FAM193A: variants seen among roughly 807,000 people sequenced by gnomAD.
The protein encoded by FAM193A is protein FAM193A.
A neutral mutation model predicts 126.5 loss-of-function variants in FAM193A; 22 were observed. That is an observed-to-expected ratio of 0.17 (90% CI 0.12 to 0.25). The LOEUF (loss-of-function observed/expected upper bound fraction) is 0.25, where lower values mean the gene tolerates loss of function less well. FAM193A is among the 10% of genes least tolerant of loss of function. The pLI is 1.00. For synonymous variants in FAM193A, 761 were observed against 646.8 expected, an observed-to-expected ratio of 1.18 and a Z score of -2.68; for missense variants, 1,675 against 1,672.8, an observed-to-expected ratio of 1.00 and a Z score of -0.02.
At chr4:2,569,125 G>A (rs557638100) in intron 1 of FAM193A, among the ~76,000 whole-genome samples, 3 of 151,740 alleles carry the variant, frequency 2.0e-5, no homozygotes, top group African/African-American at 7.2e-5. Flanking sequence ...GTGCATCACC[G>A]CACCTGGGTA....
intron 10 of FAM193A, 54 bp downstream of exon 10, chr4:2,660,108 A>G (rs1712240542): frequency 2.6e-6 from 4 of 1,566,230 alleles, no homozygotes; most frequent in Non-Finnish European, 3.5e-6. Flanking sequence ...CCCAGTAATG[A>G]GAAATACATA....
chr4:2,729,299 C>G (rs1721114739), intron 20 of FAM193A, among the ~76,000 whole-genome samples: 1 of 152,040 alleles, frequency 6.6e-6, no homozygotes. Flanking sequence ...TGCGCATGCT[C>G]CAGTAAACAC....
At chr4:2,691,792 T>TA (rs984111699) in intron 15 of FAM193A, among the ~76,000 whole-genome samples, 4 of 149,516 alleles carry the variant, frequency 2.7e-5, no homozygotes, top group African/African-American at 7.4e-5. Context: ...AAAAAAAAGT[T>TA]AAAAAAACAG....
chr4:2,564,687 A>C (rs1401826631), intron 1 of FAM193A, among the ~76,000 whole-genome samples: 1 of 152,176 alleles, frequency 6.6e-6, no homozygotes, highest in African/African-American at 2.4e-5. Flanking sequence ...TTTGTCAGCA[A>C]ATATTTTTGG....
At chr4:2,728,701 C>T (rs1472817346) in intron 20 of FAM193A, among the ~76,000 whole-genome samples, 3 of 151,912 alleles carry the variant, frequency 2.0e-5, no homozygotes, top group African/African-American at 4.8e-5. Flanking sequence ...CAGGTATGCC[C>T]TTGAATGATT....
At chr4:2,694,296 G>T (rs1716781293) in intron 16 of FAM193A, among the ~76,000 whole-genome samples, 1 of 151,948 alleles carries the variant, frequency 6.6e-6, no homozygotes, top group Admixed American at 6.6e-5. Flanking sequence ...CTGAGACAGA[G>T]TCTCACTCTG....
chr4:2,688,601 G>C (rs1577208295), intron 13 of FAM193A, among the ~76,000 whole-genome samples: 1 of 152,186 alleles, frequency 6.6e-6, no homozygotes, highest in South Asian at 2.1e-4. Context: ...AACTTTGCAG[G>C]CCAGAGCCTT....
chr4:2,674,691 A>G (rs541179886), intron 13 of FAM193A, among the ~76,000 whole-genome samples: 1 of 152,252 alleles, frequency 6.6e-6, no homozygotes, highest in South Asian at 2.1e-4. Flanking sequence ...AAAGTTTAGC[A>G]TGGGTACTAT....
chr4:2,634,079 G>A (rs1423083024), intron 5 of FAM193A, among the ~76,000 whole-genome samples: 11 of 152,288 alleles, frequency 7.2e-5, no homozygotes, highest in Non-Finnish European at 4.4e-5. Context: ...GATGGGGTCT[G>A]CACATAATGC....
At position 2,732,007 on chromosome 4, in the gene FAM193A, C is replaced by G; in HGVS notation, c.*139C>G. 1.4e-6 allele frequency: 1 copy of G among 718,264 alleles called. No individual in the cohort carries two copies. Among genetic ancestry groups the G allele is most frequent in the Non-Finnish European group, 2.5e-6 (1 of 403,586 alleles). 44.5% of individuals were successfully genotyped at this position (718,264 alleles called of 1,614,324 possible). On this transcript the variant is annotated 3_prime_UTR_variant, in exon 21 of 21. Coordinates refer to ENST00000637812, the MANE Select transcript of FAM193A (RefSeq NM_001366318.2). ...GCTGGTGCTGCCTGAAACCCCAGACCGAGAAGTTGATGCTCGGCCCACGCC... is the reference window on the plus strand; with the variant it reads ...GCTGGTGCTGCCTGAAACCCCAGACGGAGAAGTTGATGCTCGGCCCACGCC...
intron 1 of FAM193A, among the ~76,000 whole-genome samples, chr4:2,538,231 C>G (rs1200431984): frequency 1.3e-5 from 2 of 151,158 alleles, no homozygotes; most frequent in Non-Finnish European, 2.9e-5. Flanking sequence ...CGGAGTCTCG[C>G]TCTGTCGCCC....
At chr4:2,550,025 CT>C (rs35806343) in intron 1 of FAM193A, among the ~76,000 whole-genome samples, 366 of 132,084 alleles carry the variant, frequency 2.8e-3, no homozygotes, top group Middle Eastern at 8.9e-3. Flanking sequence ...CCGCACCTGG[CT>C]TTTTTTTTTT....
intron 5 of FAM193A, among the ~76,000 whole-genome samples, chr4:2,634,202 G>C (rs569262485): frequency 7.2e-5 from 11 of 152,192 alleles, no homozygotes; most frequent in Middle Eastern, 3.2e-3. Context: ...AGGGAGTACA[G>C]CTTCCCAGAG....
chr4:2,689,354 T>G, intron 13 of FAM193A, 152 bp from the exon 14 acceptor site: 6 of 551,752 alleles, frequency 1.1e-5, no homozygotes, highest in Admixed American at 4.1e-5. Flanking sequence ...CAAGTCCATG[T>G]TTTGTGAGAT....
chr4:2,574,212 C>G (rs1360564706), intron 1 of FAM193A, among the ~76,000 whole-genome samples: 1 of 150,620 alleles, frequency 6.6e-6, no homozygotes, highest in Non-Finnish European at 1.5e-5. Context: ...ATGTGCTGCA[C>G]TCTCTTGACA....
In FAM193A at chr4:2,663,277, C is replaced by G. The variant is rs973243147; in HGVS notation, c.2068C>G (p.Pro690Ala). 1 of 1,584,652 alleles carries G rather than the reference C, an allele frequency of 6.3e-7. No individual in the cohort carries two copies. Among genetic ancestry groups the G allele is most frequent in the African/African-American group, 1.4e-5 (1 of 73,530 alleles). Residue 690 changes from proline to alanine, a missense_variant, in exon 12 of 21, where the codon CCA (proline) becomes GCA (alanine). Physicochemically the swap from Pro to Ala is conservative, Grantham distance 27 (BLOSUM62 -1). Transcript: ENST00000637812. ...SKADSPPPSY[P>A]TQQAEQAPNT... ...AGCAGACAGTCCACCCCCATCCTAC[C>G]CAACACAGCAGGTAGGACTTTGCTT...
chr4:2,651,631 G>A (rs1447979585), intron 7 of FAM193A, among the ~76,000 whole-genome samples: 1 of 152,142 alleles, frequency 6.6e-6, no homozygotes, highest in Non-Finnish European at 1.5e-5. Flanking sequence ...CTGACATGTG[G>A]GGATTACAGT....
rs1560580838 is a variant in FAM193A, at chr4:2,696,481, G to GCGATAAAGAAGTGA, written c.3397_3398insATAAAGAAGTGACG (p.Val1133AspfsTer19). 6.2e-7 allele frequency: 1 copy of GCGATAAAGAAGTGA among 1,614,256 alleles called. No homozygotes were observed. The highest frequency in any genetic ancestry group is 8.5e-7 in the Non-Finnish European group (1 of 1,180,050). ...ATGGACCAGATCTCAGAAAGGGAAA[G>GCGATAAAGAAGTGA]CGTCGTTGACCATCGGAGGGTGGAG... On this transcript the variant is annotated frameshift_variant, in exon 18 of 21. Coordinates refer to ENST00000637812, the MANE Select transcript of FAM193A (RefSeq NM_001366318.2). LOFTEE classifies it high-confidence loss of function.
Position 2,732,403 on chromosome 4 carries a change from A to G in FAM193A, c.*535A>G, listed in dbSNP as rs1721504265. ...CCAGCTTGTGTAAGATCCCTTGCAG[A>G]ACGAGAAAGTTAAAAACAAGCCCAC... is the stretch of plus-strand genomic sequence containing the variant. On this transcript the variant is annotated 3_prime_UTR_variant, in exon 21 of 21. Transcript: ENST00000637812. 6.1e-6 allele frequency: 1 copy of G among 164,998 alleles called. No individual in the cohort carries two copies. The highest frequency in any genetic ancestry group is 2.4e-5 in the African/African-American group (1 of 41,784). 10.2% of individuals were successfully genotyped at this position (164,998 alleles called of 1,614,324 possible).
Sources: gnomAD v4.1 joint callset for allele counts (sites outside exome capture counted in the v4.1 genomes callset) on GRCh38, gnomAD v4.1.1 for gene constraint, MANE v1.5 for transcripts, NCBI Gene and HGNC (gene_info 2026-07-23, HGNC 2026-07-21) for gene names.